TEX36: variants seen among roughly 807,000 people sequenced by gnomAD.
TEX36 encodes the protein testis expressed 36.
TEX36 carries 12 observed loss-of-function variants against 13.6 expected under a neutral mutation model. The ratio of observed to expected loss-of-function variants is 0.88; its 90% CI spans 0.56 to 1.43. The LOEUF (loss-of-function observed/expected upper bound fraction) is 1.43, where lower values mean the gene tolerates loss of function less well. TEX36 is among the 40% of genes most tolerant of loss of function. TEX36 has a pLI of 0.00. For synonymous variants in TEX36, 93 were observed against 83.0 expected, an observed-to-expected ratio of 1.12 and a Z score of -0.65; for missense variants, 224 against 228.3, an observed-to-expected ratio of 0.98 and a Z score of 0.12.
At chr10:125,620,085 A>T (rs2133559145), downstream of TEX36, among the ~76,000 whole-genome samples, 1 of 152,248 alleles carries the variant, frequency 6.6e-6, no homozygotes, top group African/African-American at 2.4e-5. Context: ...ACTCTGTAAC[A>T]TGCATCTTTG....
At chr10:125,606,960 G>A (rs931392497) in intron 3 of TEX36, among the ~76,000 whole-genome samples, 55 of 152,164 alleles carry the variant, frequency 3.6e-4, no homozygotes, top group Non-Finnish European at 6.8e-4. Context: ...CACATAAAGC[G>A]CCCAACTGGA....
chr10:125,619,429 C>A (rs1021650806), downstream of TEX36, among the ~76,000 whole-genome samples: 36 of 152,140 alleles, frequency 2.4e-4, no homozygotes, highest in African/African-American at 8.2e-4. Context: ...ACATTCCCCT[C>A]TCCTCATAGT....
intron 3 of TEX36, among the ~76,000 whole-genome samples, chr10:125,585,587 C>T (rs1845936497): frequency 6.6e-6 from 1 of 152,170 alleles, no homozygotes; most frequent in Non-Finnish European, 1.5e-5. Context: ...CCCCTGAAAG[C>T]CCTCATGGGA....
At chr10:125,681,108 A>G (rs1392386738) in intron 1 of TEX36, among the ~76,000 whole-genome samples, 1 of 152,212 alleles carries the variant, frequency 6.6e-6, no homozygotes, top group Non-Finnish European at 1.5e-5. Context: ...GACTTAGGTG[A>G]CAGGCGCCTT....
chr10:125,611,420 C>T (rs1288742161), intron 3 of TEX36, among the ~76,000 whole-genome samples: 5 of 152,284 alleles, frequency 3.3e-5, no homozygotes, highest in East Asian at 1.9e-4. Flanking sequence ...AATAAAAAGA[C>T]ATGCTATTGT....
At chr10:125,595,348 G>A (rs930987672) in intron 3 of TEX36, among the ~76,000 whole-genome samples, 2 of 152,122 alleles carry the variant, frequency 1.3e-5, no homozygotes, top group Admixed American at 6.5e-5. Flanking sequence ...TCTGAAGCTA[G>A]CATCACATTG....
chr10:125,586,434 G>T (rs1381086358), intron 3 of TEX36, among the ~76,000 whole-genome samples: 4 of 151,720 alleles, frequency 2.6e-5, no homozygotes, highest in Admixed American at 2.6e-4. Flanking sequence ...TTATCTTTTT[G>T]ACTCTTGTGA....
chr10:125,623,276 C>T (rs1384005138), intron 3 of TEX36, among the ~76,000 whole-genome samples: 1 of 152,170 alleles, frequency 6.6e-6, no homozygotes, highest in Non-Finnish European at 1.5e-5. Context: ...CTCACTGCTG[C>T]TCTGGCAGCT....
intron 3 of TEX36, among the ~76,000 whole-genome samples, chr10:125,638,097 C>T (rs1177616005): frequency 6.6e-6 from 1 of 152,000 alleles, no homozygotes; most frequent in Non-Finnish European, 1.5e-5. Flanking sequence ...CCCCAACTGC[C>T]TCCTTCCCCA....
At chr10:125,620,232 T>G (rs1460039580), downstream of TEX36, among the ~76,000 whole-genome samples, 1 of 152,192 alleles carries the variant, frequency 6.6e-6, no homozygotes, top group Non-Finnish European at 1.5e-5. Flanking sequence ...TGTCTGAAGT[T>G]ACCCATCTCA....
intron 3 of TEX36, among the ~76,000 whole-genome samples, chr10:125,615,494 G>C (rs955802832): frequency 1.4e-4 from 21 of 151,612 alleles, no homozygotes; most frequent in East Asian, 9.7e-4. Context: ...TAGCATGAAG[G>C]GTTGTTGAAT....
At chr10:125,599,498 A>G (rs1233169178) in intron 3 of TEX36, among the ~76,000 whole-genome samples, 1 of 152,166 alleles carries the variant, frequency 6.6e-6, no homozygotes, top group Non-Finnish European at 1.5e-5. Flanking sequence ...CTTCCTTTGT[A>G]ACAGGTGTCT....
At chr10:125,667,494 T>C in intron 1 of TEX36, 2 of 726,178 alleles carry the variant, frequency 2.8e-6, no homozygotes, top group Non-Finnish European at 5.2e-6. Flanking sequence ...TCCCCAATCT[T>C]CAGAACACAA....
At chr10:125,654,097 T>C (rs1342110660), downstream of TEX36, among the ~76,000 whole-genome samples, 2 of 152,200 alleles carry the variant, frequency 1.3e-5, no homozygotes, top group African/African-American at 4.8e-5. Context: ...AAAAGAATTA[T>C]CACTTTTATG....
chr10:125,579,990 G>A (rs111887419), intron 3 of TEX36, among the ~76,000 whole-genome samples: 1,671 of 152,308 alleles, frequency 0.011, 34 homozygotes, highest in African/African-American at 0.037. Flanking sequence ...AAACAAGAAT[G>A]TTGTTAGATG....
intron 3 of TEX36, among the ~76,000 whole-genome samples, chr10:125,640,558 T>A (rs954045796): frequency 6.6e-6 from 1 of 152,168 alleles, no homozygotes; most frequent in Non-Finnish European, 1.5e-5. Context: ...AAATGAGATG[T>A]TTTGGTTTGT....
intron 3 of TEX36, among the ~76,000 whole-genome samples, chr10:125,602,541 C>T (rs540706526): frequency 1.3e-5 from 2 of 152,302 alleles, no homozygotes; most frequent in East Asian, 3.9e-4. Flanking sequence ...CGTCTCTCCT[C>T]CTCATGCTCC....
chr10:125,591,807 G>A (rs1428723357), intron 3 of TEX36, among the ~76,000 whole-genome samples: 4 of 152,100 alleles, frequency 2.6e-5, no homozygotes, highest in African/African-American at 7.2e-5. Context: ...CTCTGCTCTC[G>A]TCAACTTTTC....
chr10:125,682,841 A>G, intron 1 of TEX36, 98 bp downstream of exon 1: 1 of 1,314,220 alleles, frequency 7.6e-7, no homozygotes, highest in South Asian at 1.3e-5. Flanking sequence ...GTCAAAGGTC[A>G]TGCTTCAGTA....
Sources: gnomAD v4.1 joint callset for allele counts (sites outside exome capture counted in the v4.1 genomes callset) on GRCh38, gnomAD v4.1.1 for gene constraint, MANE v1.5 for transcripts, NCBI Gene and HGNC (gene_info 2026-07-23, HGNC 2026-07-21) for gene names.